Variants in INSL6 observed in about 807,000 individuals in gnomAD.
INSL6 encodes the protein insulin like 6.
In INSL6, 16 loss-of-function variants were observed where a neutral mutation model predicts 9.4. That is an observed-to-expected ratio of 1.70 (90% CI 1.15 to 2.59). The LOEUF (loss-of-function observed/expected upper bound fraction) is 2.59, where lower values mean the gene tolerates loss of function less well. INSL6 is among the 30% of genes most tolerant of loss of function. INSL6 has a pLI of 0.00. For missense variants in INSL6, 391 were observed against 257.3 expected (o/e 1.52, Z -3.56); for synonymous variants, 154 against 96.9 (o/e 1.59, Z -3.46).
chr9:5,111,644 C>T, the INSL6 span: 8 of 388,906 alleles, frequency 2.1e-5, no homozygotes, highest in African/African-American at 4.2e-5. Flanking sequence ...GGGCTCATGC[C>T]CCTCGTCCCT....
chr9:5,043,252 T>C, the INSL6 span, among the ~76,000 whole-genome samples: 1 of 151,980 alleles, frequency 6.6e-6, no homozygotes, highest in Admixed American at 6.5e-5. Flanking sequence ...TTACCAAGTG[T>C]ACGGAAATGG....
At chr9:5,004,155 T>C in the INSL6 span, among the ~76,000 whole-genome samples, 1 of 152,194 alleles carries the variant, frequency 6.6e-6, no homozygotes, top group South Asian at 2.1e-4. Context: ...ACTTAAAATC[T>C]ACTCTTAGCA....
intron 1 of INSL6, among the ~76,000 whole-genome samples, chr9:5,164,697 G>C (rs1372036743): frequency 6.6e-6 from 1 of 152,076 alleles, no homozygotes; most frequent in Admixed American, 6.5e-5. Context: ...CTATGGATTT[G>C]CCTATTCCGT....
At chr9:5,100,448 T>C in the INSL6 span, 2 of 152,222 alleles carry the variant, frequency 1.3e-5, no homozygotes, top group African/African-American at 4.8e-5. Flanking sequence ...AAGGCCACCA[T>C]ACAACAGTTG....
the INSL6 span, chr9:5,114,274 C>G: frequency 1.8e-6 from 1 of 544,690 alleles, no homozygotes; most frequent in African/African-American, 1.9e-5. Flanking sequence ...GACCTGGCAC[C>G]CAGCAAGGAG....
At chr9:4,993,888 C>T in the INSL6 span, among the ~76,000 whole-genome samples, 1 of 152,164 alleles carries the variant, frequency 6.6e-6, no homozygotes, top group Admixed American at 6.5e-5. Flanking sequence ...CAATTTCCTC[C>T]CACATTCCAA....
intron 1 of INSL6, among the ~76,000 whole-genome samples, chr9:5,174,513 A>G (rs919516496): frequency 6.6e-6 from 1 of 152,114 alleles, no homozygotes; most frequent in African/African-American, 2.4e-5. Context: ...TTCCAACCTA[A>G]GTAGTTGTCC....
At chr9:5,158,638 A>G (rs1028138357) in intron 2 of INSL6, among the ~76,000 whole-genome samples, 6 of 152,178 alleles carry the variant, frequency 3.9e-5, no homozygotes, top group Non-Finnish European at 5.9e-5. Flanking sequence ...TCCAGCAAAA[A>G]TATTCTAGAA....
chr9:5,046,179 T>C, the INSL6 span, among the ~76,000 whole-genome samples: 1 of 152,206 alleles, frequency 6.6e-6, no homozygotes, highest in South Asian at 2.1e-4. Context: ...TTATCTTCTT[T>C]GCAGAGATGT....
downstream of INSL6, chr9:5,123,111 G>T: frequency 6.3e-7 from 1 of 1,588,332 alleles, no homozygotes; most frequent in Non-Finnish European, 8.6e-7. Context: ...AAGAGTAAAA[G>T]TCCACCAGCG....
At chr9:5,037,356 G>T in the INSL6 span, among the ~76,000 whole-genome samples, 2 of 152,114 alleles carry the variant, frequency 1.3e-5, no homozygotes, top group East Asian at 3.9e-4. Context: ...CCCATTACTG[G>T]GTATATACCC....
chr9:5,173,503 G>A (rs1301947761), intron 1 of INSL6, among the ~76,000 whole-genome samples: 1 of 152,064 alleles, frequency 6.6e-6, no homozygotes, highest in African/African-American at 2.4e-5. Context: ...GCAAACTAAG[G>A]CAGGAAGAGA....
At chr9:5,073,859 AG>A in the INSL6 span, 1 of 958,660 alleles carries the variant, frequency 1.0e-6, no homozygotes, top group Non-Finnish European at 1.6e-6. Context: ...ATTCAGTTTC[AG>A]GATCACAGCT....
the INSL6 span, chr9:5,081,917 T>A: frequency 7.1e-7 from 1 of 1,411,538 alleles, no homozygotes; most frequent in Non-Finnish European, 9.9e-7. Context: ...AGGAAAAACT[T>A]AAGAGCGTTT....
chr9:5,099,648 T>A, the INSL6 span: 1 of 152,204 alleles, frequency 6.6e-6, no homozygotes, highest in Admixed American at 6.5e-5. Context: ...TCCCACTGTT[T>A]CCAACCTCTA....
At chr9:5,068,743 A>G in the INSL6 span, among the ~76,000 whole-genome samples, 2 of 152,236 alleles carry the variant, frequency 1.3e-5, no homozygotes, top group Non-Finnish European at 2.9e-5. Flanking sequence ...CTTATAAATG[A>G]TGGAAAACTA....
chr9:5,079,492 C>G, the INSL6 span, among the ~76,000 whole-genome samples: 2 of 147,118 alleles, frequency 1.4e-5, no homozygotes, highest in South Asian at 4.2e-4. Flanking sequence ...GCTTGTTGGT[C>G]CTTGGGTTTT....
At chr9:5,059,844 CCTT>C in the INSL6 span, among the ~76,000 whole-genome samples, 1 of 152,046 alleles carries the variant, frequency 6.6e-6, no homozygotes, top group Admixed American at 6.6e-5. Flanking sequence ...ATCTGAATAT[CCTT>C]CTTATGAAGT....
chr9:5,170,540 T>C (rs1267861246), intron 1 of INSL6, among the ~76,000 whole-genome samples: 1 of 139,418 alleles, frequency 7.2e-6, no homozygotes, highest in Admixed American at 7.2e-5. Context: ...CTTCAAACAA[T>C]CAATGAATCC....
Sources: gnomAD v4.1 joint callset for allele counts (sites outside exome capture counted in the v4.1 genomes callset) on GRCh38, gnomAD v4.1.1 for gene constraint, MANE v1.5 for transcripts, NCBI Gene and HGNC (gene_info 2026-07-23, HGNC 2026-07-21) for gene names.